Variants in PUM3 observed in about 807,000 individuals in gnomAD.
PUM3 encodes pumilio homolog 3.
In PUM3, 91 loss-of-function variants were observed where a neutral mutation model predicts 84.0. The observed-to-expected ratio is 1.08, with a 90% CI of 0.91 to 1.29. The LOEUF (loss-of-function observed/expected upper bound fraction) is 1.29. PUM3 is among the 50% of genes most tolerant of loss of function. PUM3 has a pLI of 0.00. For missense variants in PUM3, 1,067 were observed against 767.5 expected (o/e 1.39, Z -4.61); for synonymous variants, 321 against 266.7 (o/e 1.20, Z -1.98).
intron 3 of PUM3, 132 bp from the exon 4 acceptor site, chr9:2,834,298 C>G: frequency 2.9e-6 from 2 of 700,312 alleles, no homozygotes; most frequent in Non-Finnish European, 4.6e-6. Context: ...GGGAACATAC[C>G]ATCCCCCATA....
chr9:2,840,501 A>C (rs980378587), intron 1 of PUM3, among the ~76,000 whole-genome samples: 4 of 152,198 alleles, frequency 2.6e-5, no homozygotes, highest in Non-Finnish European at 5.9e-5. Flanking sequence ...ACTGCATTTA[A>C]ATGGTGATCT....
intron 5 of PUM3, 47 bp from the exon 6 acceptor site, chr9:2,831,391 G>A (rs1237855997): frequency 4.3e-6 from 5 of 1,173,066 alleles, no homozygotes; most frequent in South Asian, 1.3e-5. Context: ...TGAGACTTAT[G>A]TTTCTCACTA....
At chr9:2,814,072 A>G (rs1436392719) in intron 13 of PUM3, among the ~76,000 whole-genome samples, 2 of 152,294 alleles carry the variant, frequency 1.3e-5, no homozygotes, top group Admixed American at 1.3e-4. Context: ...CCACCTCAAA[A>G]TGAATAACTA....
At chr9:2,810,492 A>T in intron 15 of PUM3, 61 bp from the exon 16 acceptor site, 21 of 1,130,852 alleles carry the variant, frequency 1.9e-5, no homozygotes, top group Non-Finnish European at 2.4e-5. Context: ...AATACATTTG[A>T]ATGAATACAT....
intron 11 of PUM3, 107 bp downstream of exon 11, chr9:2,824,610 G>C: frequency 1.6e-6 from 1 of 619,306 alleles, no homozygotes. Flanking sequence ...GCACAACAGG[G>C]CAAAGACCAA....
intron 7 of PUM3, among the ~76,000 whole-genome samples, 169 bp downstream of exon 7, chr9:2,830,793 G>T (rs1815954892): frequency 6.6e-6 from 1 of 152,040 alleles, no homozygotes; most frequent in African/African-American, 2.4e-5. Context: ...CATTAATTTC[G>T]ATAATTGTAT....
intron 9 of PUM3, 24 bp downstream of exon 9, chr9:2,828,651 A>C: frequency 7.2e-7 from 1 of 1,388,468 alleles, no homozygotes; most frequent in Non-Finnish European, 1.0e-6. Context: ...TTTCTTAAGA[A>C]CAAAACAAAA....
intron 15 of PUM3, among the ~76,000 whole-genome samples, chr9:2,810,974 C>T (rs1288744208): frequency 2.6e-5 from 4 of 152,210 alleles, no homozygotes; most frequent in African/African-American, 4.8e-5. Context: ...GGGAGGCAAC[C>T]GGCTCAGTCT....
chr9:2,843,826 C>T (rs956523338), intron 1 of PUM3, among the ~76,000 whole-genome samples: 1 of 151,970 alleles, frequency 6.6e-6, no homozygotes, highest in Non-Finnish European at 1.5e-5. Context: ...GATCCGCCCG[C>T]CTCGGCCTCC....
chr9:2,822,714 A>G (rs1006495429), intron 12 of PUM3, among the ~76,000 whole-genome samples: 4 of 113,860 alleles, frequency 3.5e-5, no homozygotes, highest in African/African-American at 9.3e-5. Flanking sequence ...TATGAATTAT[A>G]TTTATATTTA....
At position 2,804,172 on chromosome 9, in the gene PUM3, A is replaced by G; in HGVS notation, c.*159T>C. On this transcript the variant is annotated 3_prime_UTR_variant, in exon 18 of 18. Coordinates refer to ENST00000397885, the MANE Select transcript of PUM3 (RefSeq NM_014878.5). ...TGAGATTTTTAAAAAAGACCATTTA[A>G]AAAAACAATTTATATAAATAGATTC... is the stretch of plus-strand genomic sequence containing the variant. 1.5e-6 allele frequency: 1 copy of G among 672,450 alleles called. No individual in the cohort carries two copies. The highest frequency in any genetic ancestry group is 2.3e-6 in the Non-Finnish European group (1 of 438,694). 41.7% of individuals were successfully genotyped at this position (672,450 alleles called of 1,614,324 possible).
In PUM3 at chr9:2,829,767, A is replaced by ATGTC. The variant is rs753378127; in HGVS notation, c.852+3_852+6dup. On this transcript the variant is annotated splice_region_variant and intron_variant, in intron 8 of 17. Coordinates refer to ENST00000397885, the MANE Select transcript of PUM3 (RefSeq NM_014878.5). ...AAATACTAGAAAAAGACTTCTGGAGATGTCACCTTGTAAAGCTGAAATGTG... is the reference window on the plus strand; with the variant it reads ...AAATACTAGAAAAAGACTTCTGGAGATGTCTGTCACCTTGTAAAGCTGAAATGTG... 9.7e-5 allele frequency: 156 copies of ATGTC among 1,604,310 alleles called. No homozygotes were observed. The African/African-American group carries it at 1.9e-3, about 20-fold the overall frequency.
chr9:2,828,351 T>G (rs1326653404), intron 9 of PUM3: 8 of 214,080 alleles, frequency 3.7e-5, no homozygotes, highest in African/African-American at 1.9e-4. Flanking sequence ...TACAACCAAA[T>G]TTGAGTAACA....
intron 1 of PUM3, among the ~76,000 whole-genome samples, chr9:2,842,669 G>A (rs1287024272): frequency 1.3e-5 from 2 of 152,006 alleles, no homozygotes; most frequent in East Asian, 3.9e-4. Context: ...GGCTTTTTAT[G>A]CTGAGTACTC....
At chr9:2,807,059 T>G (rs1375196754) in intron 17 of PUM3, among the ~76,000 whole-genome samples, 4 of 151,730 alleles carry the variant, frequency 2.6e-5, no homozygotes, top group African/African-American at 9.7e-5. Flanking sequence ...ATAAAAAAAA[T>G]TAGCTGGGCG....
Position 2,827,124 on chromosome 9 carries a change from C to T in PUM3, c.984G>A (p.Val328=), listed in dbSNP as rs1815843614. The stretch of plus-strand genomic sequence containing the variant: ...TAAAAAAGTCCAAGAATACTTTATG[C>T]ACCAATGAGTGCTTAATCACAGCTT... ...QKEAVIKHSL[V]HKVFLDFFTY... is the part of the protein sequence containing the mutation. The change falls in exon 10 of 18, where the codon GTG becomes GTA. Residue 328 remains valine (V), a synonymous_variant. Transcript: ENST00000397885. The T allele has an allele frequency of 6.2e-7, 1 of 1,609,680 alleles. No homozygotes were observed. The highest frequency in any genetic ancestry group is 8.5e-7 in the Non-Finnish European group (1 of 1,178,404).
At chr9:2,840,922 G>C (rs1362860809) in intron 1 of PUM3, among the ~76,000 whole-genome samples, 1 of 152,314 alleles carries the variant, frequency 6.6e-6, no homozygotes, top group Admixed American at 6.5e-5. Context: ...AGGTGTCCCT[G>C]TTTCTATGTC....
chr9:2,842,955 A>G (rs1259612112), intron 1 of PUM3, among the ~76,000 whole-genome samples: 1 of 151,732 alleles, frequency 6.6e-6, no homozygotes, highest in Admixed American at 6.6e-5. Flanking sequence ...TTTCCTCTCT[A>G]CTCTGCCACG....
rs201744601 is a variant in PUM3 at position 2,811,475 on chromosome 9, C to G, written c.1521G>C (p.Ala507=). The change falls in exon 15 of 18, where the codon GCG becomes GCC. Residue 507 remains alanine, a synonymous_variant. Transcript: ENST00000397885. ...HAQEVVLDKS[A]CVLVSDILGS... is the part of the protein sequence containing the mutation. ...CCAGAATGTCAGACACCAACACACA[C>G]GCAGACTTATCTAGCACCACTTCTT... The G allele has an allele frequency of 6.2e-7, 1 of 1,614,036 alleles. No individual in the cohort carries two copies. Among genetic ancestry groups the G allele is most frequent in the Non-Finnish European group, 8.5e-7 (1 of 1,180,032 alleles).
Sources: allele counts gnomAD v4.1 joint callset (sites outside exome capture counted in the v4.1 genomes callset), GRCh38; gene constraint gnomAD v4.1.1; transcripts MANE v1.5; gene names NCBI Gene and HGNC (gene_info 2026-07-23, HGNC 2026-07-21).